ARPC1B: variants seen among roughly 807,000 people sequenced by gnomAD.
ARPC1B encodes the protein actin-related protein 2/3 complex subunit 1B.
In ARPC1B, 29 loss-of-function variants were observed where a neutral mutation model predicts 46.0. That is an observed-to-expected ratio of 0.63 (90% CI 0.47 to 0.86). The LOEUF is 0.86. Ranked by LOEUF, ARPC1B falls within the 40% of genes least tolerant of loss-of-function variation. The pLI is 0.00. For missense variants in ARPC1B, 469 were observed against 529.4 expected, an observed-to-expected ratio of 0.89 and a Z score of 1.12; for synonymous variants, 201 against 213.9, an observed-to-expected ratio of 0.94 and a Z score of 0.53.
At chr7:99,376,271 A>G (rs1200623737) in intron 1 of ARPC1B, among the ~76,000 whole-genome samples, 1 of 152,216 alleles carries the variant, frequency 6.6e-6, no homozygotes, top group Non-Finnish European at 1.5e-5. Context: ...TTCACTGGCC[A>G]GTGACTGGTA....
At chr7:99,379,753 C>T (rs180963580) in intron 1 of ARPC1B, among the ~76,000 whole-genome samples, 262 of 151,916 alleles carry the variant, frequency 1.7e-3, no homozygotes, top group African/African-American at 4.0e-3. Flanking sequence ...ACCACCACCC[C>T]GCCGCTGGGC....
intron 1 of ARPC1B, among the ~76,000 whole-genome samples, chr7:99,385,275 C>T (rs981884744): frequency 2.7e-5 from 4 of 146,542 alleles, no homozygotes; most frequent in African/African-American, 1.0e-4. Flanking sequence ...TCATCTTCAT[C>T]CCATCCTTAA....
rs781670733 is a variant in ARPC1B, at chr7:99,390,887, C to T, written c.501-6C>T. 4 of 1,597,194 alleles carry T rather than the reference C, an allele frequency of 2.5e-6. No homozygotes were observed. The highest frequency in any genetic ancestry group is 1.7e-5 in the Admixed American group (1 of 59,434). The stretch of plus-strand genomic sequence containing the variant: ...TACTTTACCTCTACTTTGCCTATCC[C>T]GGTAGGATCTTTTCAGCCTACATCA... On this transcript the variant is annotated splice_region_variant and splice_polypyrimidine_tract_variant and intron_variant, in intron 5 of 9. Coordinates refer to ENST00000646101, the MANE Select transcript of ARPC1B (RefSeq NM_005720.4).
chr7:99,393,939 C>T, intron 8 of ARPC1B, 90 bp from the exon 9 acceptor site: 3 of 1,336,838 alleles, frequency 2.2e-6, no homozygotes, highest in Non-Finnish European at 3.2e-6. Flanking sequence ...GCCCGCTCCC[C>T]AAGAAGTCTG....
intron 7 of ARPC1B, 67 bp from the exon 8 acceptor site, chr7:99,392,604 G>T: frequency 2.2e-6 from 3 of 1,389,296 alleles, no homozygotes; most frequent in Admixed American, 3.1e-5. Context: ...CCAGACGCCC[G>T]CCTGGCCTTC....
intron 1 of ARPC1B, among the ~76,000 whole-genome samples, chr7:99,375,341 G>C (rs1037670771): frequency 6.6e-6 from 1 of 152,148 alleles, no homozygotes; most frequent in African/African-American, 2.4e-5. Flanking sequence ...TGCCCTCCTG[G>C]CCGCTCCCGC....
rs144455957 is a variant in ARPC1B at position 99,381,516 on chromosome 7, C to T, written c.-13-4186C>T. Among the ~76,000 whole-genome samples, 211 of 152,312 alleles carry T rather than the reference C, an allele frequency of 1.4e-3. 2 individuals carry two copies. Among genetic ancestry groups the T allele is most frequent in the African/African-American group, 4.9e-3 (204 of 41,570 alleles). ...CCTGACCCTGCGCTGCGTGTGTCTA[C>T]TTGCTCAGCAAATGCTGACTGGGGA... On this transcript the variant is annotated intron_variant, in intron 1 of 9. Coordinates refer to ENST00000646101, the MANE Select transcript of ARPC1B (RefSeq NM_005720.4).
At chr7:99,390,744 C>A in intron 5 of ARPC1B, 149 bp from the exon 6 acceptor site, 1 of 637,078 alleles carries the variant, frequency 1.6e-6, no homozygotes, top group Non-Finnish European at 2.6e-6. Context: ...GTTGCCCAAA[C>A]TGGAGCACAG....
intron 1 of ARPC1B, among the ~76,000 whole-genome samples, chr7:99,378,928 C>A (rs1002730909): frequency 6.6e-6 from 1 of 151,656 alleles, no homozygotes. Flanking sequence ...AGGCGCCCGC[C>A]ACCACGCCCG....
At chr7:99,382,524 C>G (rs534899865) in intron 1 of ARPC1B, among the ~76,000 whole-genome samples, 99 of 152,082 alleles carry the variant, frequency 6.5e-4, no homozygotes, top group African/African-American at 2.3e-3. Context: ...CTCTGTCACA[C>G]AGTGGTACAA....
At chr7:99,387,206 C>T (rs576159145) in intron 3 of ARPC1B, among the ~76,000 whole-genome samples, 14 of 152,286 alleles carry the variant, frequency 9.2e-5, no homozygotes, top group African/African-American at 3.4e-4. Flanking sequence ...CTTCAGGAGG[C>T]CAAGGCGAGT....
At position 99,394,501 on chromosome 7, in the gene ARPC1B, T is replaced by C; in HGVS notation, c.*12T>C. ...TCAAGATCAAATGACCTGTGAGGAA[T>C]ATGTTGCCTTCATCCTAGCTGCTGG... On this transcript the variant is annotated 3_prime_UTR_variant, in exon 10 of 10. Coordinates refer to ENST00000646101, the MANE Select transcript of ARPC1B (RefSeq NM_005720.4). 1 of 1,613,992 alleles carries C rather than the reference T, an allele frequency of 6.2e-7. No individual in the cohort carries two copies. The highest frequency in any genetic ancestry group is 1.1e-5 in the South Asian group (1 of 91,070).
At chr7:99,379,288 ATG>A (rs1381524476) in intron 1 of ARPC1B, among the ~76,000 whole-genome samples, 1 of 152,114 alleles carries the variant, frequency 6.6e-6, no homozygotes, top group Non-Finnish European at 1.5e-5. Context: ...GATTGTTTTC[ATG>A]TGTGTTTCTT....
In ARPC1B at chr7:99,386,764, C is replaced by G; in HGVS notation, c.144C>G (p.Leu48=). Residue 48 remains leucine (L), a synonymous_variant, in exon 3 of 10, where the codon CTC becomes CTG. Transcript: ENST00000646101. ...SGAKWTKVHE[L]KEHNGQVTGI... The stretch of plus-strand genomic sequence containing the variant: ...CCAAATGGACCAAGGTGCACGAGCT[C>G]AAGGAGCACAACGGGCAGGTGACAG... The G allele has an allele frequency of 1.2e-6, 2 of 1,613,966 alleles. No individual in the cohort carries two copies. The highest frequency in any genetic ancestry group is 2.2e-5 in the East Asian group (1 of 44,878).
At chr7:99,385,818 C>T (rs1562814037) in intron 2 of ARPC1B, 40 bp downstream of exon 2, 2 of 1,578,164 alleles carry the variant, frequency 1.3e-6, no homozygotes, top group Non-Finnish European at 1.7e-6. Context: ...CTGCTTCCAC[C>T]TCCTGGGATG....
Position 99,374,948 on chromosome 7 carries a change from G to C in ARPC1B, c.-14+167G>C, listed in dbSNP as rs1225314137. On this transcript the variant is annotated intron_variant, in intron 1 of 9. Transcript: ENST00000646101. The surrounding 1 kb of genome is among the most constrained non-coding windows in gnomAD (Gnocchi z 5.0). ...TGGAAGTGAGGACGCATAGATGTGGGGCGCCGCCCAATAGGGGCACGGGGA... is the reference window on the plus strand; with the variant it reads ...TGGAAGTGAGGACGCATAGATGTGGCGCGCCGCCCAATAGGGGCACGGGGA... 6.6e-6 allele frequency among the ~76,000 whole-genome samples: 1 copy of C among 151,374 alleles called. No homozygotes were observed. Among genetic ancestry groups the C allele is most frequent in the African/African-American group, 2.4e-5 (1 of 41,188 alleles).
intron 1 of ARPC1B, among the ~76,000 whole-genome samples, 181 bp from the exon 2 acceptor site, chr7:99,385,521 A>G (rs562840444): frequency 4.4e-4 from 67 of 152,262 alleles, no homozygotes; most frequent in Non-Finnish European, 9.0e-4. Context: ...GGGAAGCAAC[A>G]TGTCAGGCCA....
In ARPC1B at chr7:99,394,602, TA is replaced by T. The variant is rs2150900423; in HGVS notation, c.*114del. 1 of 1,560,138 alleles carries T rather than the reference TA, an allele frequency of 6.4e-7. No individual in the cohort carries two copies. Among genetic ancestry groups the T allele is most frequent in the Non-Finnish European group, 8.7e-7 (1 of 1,151,246 alleles). Reference sequence around the variant, plus strand: ...TCTGGGGTACCAATACGAGTTCCCATAGGGGCTGCTCCCTCAAAAAGGGAGG... The same window carrying T: ...TCTGGGGTACCAATACGAGTTCCCATGGGGCTGCTCCCTCAAAAAGGGAGG... On this transcript the variant is annotated 3_prime_UTR_variant, in exon 10 of 10. Transcript: ENST00000646101.
chr7:99,392,707 G>T lies in ARPC1B; in HGVS notation c.820G>T (p.Ala274Ser). 1.9e-6 allele frequency: 3 copies of T among 1,545,872 alleles called. No individual in the cohort carries two copies. The highest frequency in any genetic ancestry group is 2.6e-6 in the Non-Finnish European group (3 of 1,144,006). Residue 274 changes from alanine to serine, a missense_variant, in exon 8 of 10, where the codon GCC (alanine) becomes TCC (serine). By Grantham distance (99) the Ala-to-Ser change is moderately conservative. Coordinates refer to ENST00000646101, the MANE Select transcript of ARPC1B (RefSeq NM_005720.4). ...DCFPVLFTYD[A>S]AAGMLSFGGR... The stretch of plus-strand genomic sequence containing the variant: ...CTTCCCGGTGCTGTTCACCTATGAC[G>T]CCGCCGCGGGGATGCTGAGCTTCGG...
Sources: gnomAD v4.1 joint callset for allele counts (sites outside exome capture counted in the v4.1 genomes callset) on GRCh38, gnomAD v4.1.1 for gene constraint, Gnocchi (gnomAD v3.1) non-coding constraint, MANE v1.5 for transcripts, NCBI Gene and HGNC (gene_info 2026-07-23, HGNC 2026-07-21) for gene names.